Variants in CCDC148 observed in about 807,000 individuals in gnomAD.
CCDC148 encodes the protein coiled-coil domain-containing protein 148.
A neutral mutation model predicts 85.7 loss-of-function variants in CCDC148; 89 were observed. The ratio of observed to expected loss-of-function variants is 1.04; its 90% CI spans 0.87 to 1.24. The LOEUF (loss-of-function observed/expected upper bound fraction) is 1.24, where lower values mean the gene tolerates loss of function less well. CCDC148 is among the 50% of genes most tolerant of loss of function. The pLI, the probability that CCDC148 is intolerant of heterozygous loss-of-function variation, is 0.00. For missense variants in CCDC148, 692 were observed against 671.7 expected (o/e 1.03, Z -0.33); for synonymous variants, 230 against 213.9 (o/e 1.08, Z -0.66).
At chr2:158,204,427 C>T (rs554575062) in intron 11 of CCDC148, among the ~76,000 whole-genome samples, 1 of 152,202 alleles carries the variant, frequency 6.6e-6, no homozygotes, top group South Asian at 2.1e-4. Flanking sequence ...GTCATGAAAG[C>T]TATAAGGCTT....
At chr2:158,454,593 G>A (rs776485928) in intron 1 of CCDC148, among the ~76,000 whole-genome samples, 6 of 152,230 alleles carry the variant, frequency 3.9e-5, no homozygotes, top group Non-Finnish European at 7.3e-5. Flanking sequence ...GGAAAACCAC[G>A]TAAAGTGGGG....
chr2:158,455,229 T>C (rs530945480), intron 1 of CCDC148, among the ~76,000 whole-genome samples: 3 of 152,210 alleles, frequency 2.0e-5, no homozygotes, highest in Non-Finnish European at 4.4e-5. Flanking sequence ...CCTATTTCCA[T>C]GATGGCCAGC....
chr2:158,206,623 A>G (rs1372299358), intron 11 of CCDC148, among the ~76,000 whole-genome samples: 1 of 152,250 alleles, frequency 6.6e-6, no homozygotes. Context: ...TTAGGTACTC[A>G]GCAAATATTT....
intron 10 of CCDC148, among the ~76,000 whole-genome samples, chr2:158,228,632 A>G (rs1687683113): frequency 6.6e-6 from 1 of 152,224 alleles, no homozygotes. Flanking sequence ...GTGGCCATAA[A>G]AAATGATGAG....
intron 9 of CCDC148, among the ~76,000 whole-genome samples, chr2:158,270,386 C>G (rs1466570127): frequency 6.6e-6 from 1 of 152,118 alleles, no homozygotes; most frequent in East Asian, 1.9e-4. Flanking sequence ...CACAAGTGTA[C>G]TAAGCATTGT....
At position 158,239,604 on chromosome 2, in the gene CCDC148, GTTAAT is replaced by G. The variant is rs1400522089; in HGVS notation, c.1251+11163_1251+11167del. 3.9e-5 allele frequency among the ~76,000 whole-genome samples: 6 copies of G among 152,160 alleles called. 1 individual carries two copies. The Middle Eastern group carries it at 0.01, about 259-fold the overall frequency. ...TAATAAGGTTGATTTAAATTAATAA[GTTAAT>G]TTAATAAAATAATGTTTATTTCTAA... On this transcript the variant is annotated intron_variant, in intron 10 of 13. Coordinates refer to ENST00000283233, the MANE Select transcript of CCDC148 (RefSeq NM_138803.4).
intron 10 of CCDC148, among the ~76,000 whole-genome samples, chr2:158,238,449 T>G (rs1017103663): frequency 6.6e-6 from 1 of 152,042 alleles, no homozygotes; most frequent in Non-Finnish European, 1.5e-5. Context: ...GGAAAAGAAA[T>G]CACACCAAAA....
chr2:158,217,368 G>GTATATATATATATATA (rs1558990175), intron 11 of CCDC148, among the ~76,000 whole-genome samples: 1 of 76,106 alleles, frequency 1.3e-5, no homozygotes, highest in African/African-American at 4.2e-5. Context: ...AATTTTGTGT[G>GTATATATATATATATA]TGTGTGTATA....
intron 7 of CCDC148, among the ~76,000 whole-genome samples, chr2:158,319,767 T>C (rs531187500): frequency 6.6e-6 from 1 of 152,292 alleles, no homozygotes; most frequent in African/African-American, 2.4e-5. Flanking sequence ...TGAAAGGATG[T>C]AGAGATGAAA....
chr2:158,311,047 G>C (rs543437948), intron 8 of CCDC148, among the ~76,000 whole-genome samples: 5 of 152,182 alleles, frequency 3.3e-5, no homozygotes, highest in Admixed American at 2.6e-4. Flanking sequence ...CCAGGCAGAC[G>C]CTGCTCACTT....
At chr2:158,420,395 G>T (rs544081998) in intron 1 of CCDC148, among the ~76,000 whole-genome samples, 1 of 152,268 alleles carries the variant, frequency 6.6e-6, no homozygotes, top group Non-Finnish European at 1.5e-5. Context: ...TCTCTCGGCA[G>T]AAACTCTACA....
chr2:158,191,530 T>TC (rs1002329467), intron 11 of CCDC148, among the ~76,000 whole-genome samples: 1 of 151,684 alleles, frequency 6.6e-6, no homozygotes, highest in African/African-American at 2.4e-5. Flanking sequence ...ACCCTTCTAA[T>TC]CCCCCCAAGT....
chr2:158,383,771 A>G (rs898918874), intron 1 of CCDC148, among the ~76,000 whole-genome samples: 2 of 152,140 alleles, frequency 1.3e-5, no homozygotes, highest in African/African-American at 4.8e-5. Flanking sequence ...CTACATAACC[A>G]CAAGACAACT....
chr2:158,258,771 T>C (rs1303152097), intron 9 of CCDC148, among the ~76,000 whole-genome samples: 3 of 151,844 alleles, frequency 2.0e-5, no homozygotes, highest in Non-Finnish European at 4.4e-5. Flanking sequence ...CCTCTCTCTC[T>C]ACTGAGGCCA....
At chr2:158,174,095 T>C (rs1684453588) in intron 13 of CCDC148, among the ~76,000 whole-genome samples, 1 of 152,058 alleles carries the variant, frequency 6.6e-6, no homozygotes, top group African/African-American at 2.4e-5. Flanking sequence ...AAATGGTTAA[T>C]GGCAGCACCA....
At chr2:158,209,031 TTATG>T (rs1233212816) in intron 11 of CCDC148, among the ~76,000 whole-genome samples, 1 of 151,900 alleles carries the variant, frequency 6.6e-6, no homozygotes, top group Non-Finnish European at 1.5e-5. Flanking sequence ...ATGGCTGTAT[TTATG>T]TATGTATATT....
At chr2:158,270,315 G>A (rs1444138723) in intron 9 of CCDC148, among the ~76,000 whole-genome samples, 6 of 152,140 alleles carry the variant, frequency 3.9e-5, no homozygotes. Flanking sequence ...TATAGGTTTG[G>A]TCTCATACAG....
At chr2:158,232,079 A>C (rs1420428570) in intron 10 of CCDC148, among the ~76,000 whole-genome samples, 23 of 152,126 alleles carry the variant, frequency 1.5e-4, no homozygotes, top group Admixed American at 1.5e-3. Flanking sequence ...GAAAGTCAGC[A>C]TATGATAAGA....
At chr2:158,213,782 G>C (rs1176364404) in intron 11 of CCDC148, among the ~76,000 whole-genome samples, 3 of 152,146 alleles carry the variant, frequency 2.0e-5, no homozygotes, top group Non-Finnish European at 4.4e-5. Context: ...TCTGGGAACA[G>C]GGTAAGTGTT....
Sources: gnomAD v4.1 joint callset for allele counts (sites outside exome capture counted in the v4.1 genomes callset) on GRCh38, gnomAD v4.1.1 for gene constraint, MANE v1.5 for transcripts, NCBI Gene and HGNC (gene_info 2026-07-23, HGNC 2026-07-21) for gene names.